PKP4: variants seen among roughly 807,000 people sequenced by gnomAD.
PKP4 encodes plakophilin 4.
A neutral mutation model predicts 145.1 loss-of-function variants in PKP4; 90 were observed. The ratio of observed to expected loss-of-function variants is 0.62; its 90% CI spans 0.52 to 0.74. The LOEUF (loss-of-function observed/expected upper bound fraction) is 0.74. PKP4 is among the 30% of genes least tolerant of loss of function. The pLI is 0.00. For missense variants in PKP4, 1,340 were observed against 1,482.7 expected (o/e 0.90, Z 1.58); for synonymous variants, 563 against 577.2 (o/e 0.98, Z 0.35).
rs1016791408 is a variant in PKP4 at position 158,558,554 on chromosome 2, C to T, written c.133-18717C>T. 2.0e-5 allele frequency among the ~76,000 whole-genome samples: 3 copies of T among 151,956 alleles called. No homozygotes were observed. The East Asian group carries it at 5.8e-4, about 29-fold the overall frequency. On this transcript the variant is annotated intron_variant, in intron 2 of 21. Transcript: ENST00000389759. The stretch of plus-strand genomic sequence containing the variant: ...GAAAAGTGCCTTTTGGATGTAGCCA[C>T]CAAGAAATGGTTAGTAACCTTGGAG...
chr2:158,496,547 C>A (rs980465729), intron 1 of PKP4, among the ~76,000 whole-genome samples: 1 of 152,252 alleles, frequency 6.6e-6, no homozygotes, highest in East Asian at 1.9e-4. Flanking sequence ...ATATCTATCT[C>A]CTTTTTCATT....
At chr2:158,551,945 G>A (rs2105704612) in intron 2 of PKP4, among the ~76,000 whole-genome samples, 1 of 152,292 alleles carries the variant, frequency 6.6e-6, no homozygotes, top group East Asian at 1.9e-4. Flanking sequence ...GCAGAATAAT[G>A]CTCTCCTCCC....
At chr2:158,650,960 G>A (rs528083432) in intron 11 of PKP4, among the ~76,000 whole-genome samples, 26 of 152,310 alleles carry the variant, frequency 1.7e-4, no homozygotes, top group Admixed American at 9.1e-4. Flanking sequence ...CTGCATGGAG[G>A]GGTCACTGCA....
At chr2:158,627,967 T>A (rs574847354) in intron 7 of PKP4, among the ~76,000 whole-genome samples, 1 of 151,490 alleles carries the variant, frequency 6.6e-6, no homozygotes, top group African/African-American at 2.4e-5. Flanking sequence ...TTTTTATTTA[T>A]TTTTATTTAT....
intron 2 of PKP4, among the ~76,000 whole-genome samples, chr2:158,535,547 C>T (rs1272176375): frequency 6.6e-6 from 1 of 152,054 alleles, no homozygotes; most frequent in Non-Finnish European, 1.5e-5. Context: ...GTAGCTAGGA[C>T]TACAGGTGTG....
At chr2:158,595,836 G>GA (rs918717314) in intron 3 of PKP4, among the ~76,000 whole-genome samples, 10 of 150,816 alleles carry the variant, frequency 6.6e-5, no homozygotes, top group South Asian at 4.2e-4. Flanking sequence ...TTGGGGAGGG[G>GA]AAAAAAAAAT....
chr2:158,589,514 T>C (rs2049074756), intron 3 of PKP4, among the ~76,000 whole-genome samples: 1 of 152,156 alleles, frequency 6.6e-6, no homozygotes, highest in Non-Finnish European at 1.5e-5. Context: ...ACTACCACTA[T>C]TTTGTCTCTC....
At chr2:158,546,453 C>CT (rs984796383) in intron 2 of PKP4, among the ~76,000 whole-genome samples, 1 of 152,088 alleles carries the variant, frequency 6.6e-6, no homozygotes, top group African/African-American at 2.4e-5. Context: ...TTGAAATCTT[C>CT]TTTTTTTAAG....
At chr2:158,471,435 C>T (rs1010374851) in intron 1 of PKP4, among the ~76,000 whole-genome samples, 5 of 152,146 alleles carry the variant, frequency 3.3e-5, no homozygotes, top group African/African-American at 1.2e-4. Flanking sequence ...ATTGTCTGCT[C>T]GTATTTTCTG....
chr2:158,525,852 A>T (rs1269613155), intron 1 of PKP4, among the ~76,000 whole-genome samples: 9 of 148,776 alleles, frequency 6.0e-5, no homozygotes, highest in Non-Finnish European at 1.3e-4. Flanking sequence ...AATACTACAA[A>T]CACCTCTACG....
intron 1 of PKP4, among the ~76,000 whole-genome samples, chr2:158,468,770 C>CTTTTTTTTTTTTTT (rs58577988): frequency 9.1e-6 from 1 of 109,966 alleles, no homozygotes; most frequent in African/African-American, 3.4e-5. Flanking sequence ...TCTTCTTCTT[C>CTTTTTTTTTTTTTT]TTTTTTTTTT....
intron 1 of PKP4, among the ~76,000 whole-genome samples, chr2:158,522,912 C>A: frequency 6.6e-6 from 1 of 152,170 alleles, no homozygotes. Context: ...CGAATACTGC[C>A]CTTTTCAGAC....
chr2:158,642,886 T>G (rs1222841718), intron 11 of PKP4, among the ~76,000 whole-genome samples, 187 bp downstream of exon 11: 2 of 152,208 alleles, frequency 1.3e-5, no homozygotes, highest in Non-Finnish European at 2.9e-5. Flanking sequence ...TAGAATGCAG[T>G]CATCTCTATT....
chr2:158,484,800 TG>T (rs1368587658), intron 1 of PKP4, among the ~76,000 whole-genome samples: 1 of 152,234 alleles, frequency 6.6e-6, no homozygotes, highest in Non-Finnish European at 1.5e-5. Flanking sequence ...GAAGATTGCA[TG>T]GTTCTGTAAA....
intron 3 of PKP4, among the ~76,000 whole-genome samples, chr2:158,601,100 G>T (rs544301235): frequency 6.6e-6 from 1 of 152,226 alleles, no homozygotes; most frequent in Admixed American, 6.5e-5. Context: ...ATTTAATTAA[G>T]CATCTGCTGT....
chr2:158,473,675 A>G (rs1012210762), intron 1 of PKP4, among the ~76,000 whole-genome samples: 4 of 151,542 alleles, frequency 2.6e-5, no homozygotes, highest in Non-Finnish European at 5.9e-5. Context: ...GGGAGGAGAG[A>G]GGGGGCGGAA....
intron 1 of PKP4, among the ~76,000 whole-genome samples, chr2:158,500,308 C>T (rs1263508432): frequency 6.6e-6 from 1 of 152,164 alleles, no homozygotes; most frequent in Admixed American, 6.5e-5. Flanking sequence ...TAATGACAAC[C>T]TTGTTGACTG....
intron 10 of PKP4, among the ~76,000 whole-genome samples, chr2:158,641,764 C>A (rs1330733045): frequency 4.6e-5 from 7 of 152,178 alleles, no homozygotes; most frequent in African/African-American, 1.7e-4. Flanking sequence ...CTAGAGAACT[C>A]ATTCTAGAAA....
chr2:158,496,083 C>T (rs1038022276), intron 1 of PKP4, among the ~76,000 whole-genome samples: 4 of 151,912 alleles, frequency 2.6e-5, no homozygotes, highest in Admixed American at 2.6e-4. Context: ...TGGGTTCACA[C>T]AGTTCTCCCA....
Sources: gnomAD v4.1 joint callset for allele counts (sites outside exome capture counted in the v4.1 genomes callset) on GRCh38, gnomAD v4.1.1 for gene constraint, MANE v1.5 for transcripts, NCBI Gene and HGNC (gene_info 2026-07-23, HGNC 2026-07-21) for gene names.